Variants in PLPPR1 observed in about 807,000 individuals in gnomAD.
The protein encoded by PLPPR1 is phospholipid phosphatase-related protein type 1.
In PLPPR1, 10 loss-of-function variants were observed where a neutral mutation model predicts 33.1. The ratio of observed to expected loss-of-function variants is 0.30; its 90% CI spans 0.19 to 0.51. The LOEUF is 0.51. Ranked by LOEUF, PLPPR1 falls within the 20% of genes least tolerant of loss-of-function variation. The pLI is 0.97. For synonymous variants in PLPPR1, 151 were observed against 151.0 expected (o/e 1.00, Z 0.00); for missense variants, 304 against 408.1 (o/e 0.74, Z 2.20).
At chr9:101,089,513 A>G (rs1225486335) in intron 1 of PLPPR1, among the ~76,000 whole-genome samples, 2 of 152,204 alleles carry the variant, frequency 1.3e-5, no homozygotes, top group Non-Finnish European at 2.9e-5. Context: ...CATTGTTTAG[A>G]TATACACGTG....
rs947001399 is a variant in PLPPR1 at position 101,324,339 on chromosome 9, T to C, written c.*282T>C. The stretch of plus-strand genomic sequence containing the variant: ...AACCACATTTATTCAATGGTTGACG[T>C]TGTTTTGTGATATTTGTACACAAAT... On this transcript the variant is annotated 3_prime_UTR_variant, in exon 8 of 8. Transcript: ENST00000374874. The C allele has an allele frequency of 9.3e-6, 3 of 321,546 alleles. No individual in the cohort carries two copies. Among genetic ancestry groups the C allele is most frequent in the African/African-American group, 2.1e-5 (1 of 46,820 alleles). The allele number at this position is 321,546 out of a possible 1,614,324, so 19.9% of individuals were successfully genotyped here. A position where few individuals can be genotyped will look rare whatever the true frequency, so the allele number is the denominator to read the frequency against.
At chr9:101,219,083 T>A (rs1826867695) in intron 2 of PLPPR1, among the ~76,000 whole-genome samples, 1 of 152,194 alleles carries the variant, frequency 6.6e-6, no homozygotes, top group Admixed American at 6.5e-5. Flanking sequence ...CGCTCCTCCA[T>A]CCGGCTTCTC....
intron 2 of PLPPR1, among the ~76,000 whole-genome samples, chr9:101,192,272 C>T (rs1466425436): frequency 1.3e-5 from 2 of 152,166 alleles, no homozygotes; most frequent in Admixed American, 1.3e-4. Flanking sequence ...TACATTTTTA[C>T]ATTTAAGTAA....
At chr9:101,197,058 T>C (rs1195617911) in intron 2 of PLPPR1, among the ~76,000 whole-genome samples, 2 of 152,244 alleles carry the variant, frequency 1.3e-5, no homozygotes, top group Non-Finnish European at 1.5e-5. Flanking sequence ...TGCTCAGACC[T>C]GTTCACAGAG....
chr9:101,180,171 C>CATATAT (rs1196562947), intron 1 of PLPPR1, among the ~76,000 whole-genome samples: 3 of 143,158 alleles, frequency 2.1e-5, no homozygotes, highest in Non-Finnish European at 4.6e-5. Flanking sequence ...CATACACACA[C>CATATAT]ACACAGACAC....
chr9:101,185,715 C>T (rs1333313400), intron 2 of PLPPR1, among the ~76,000 whole-genome samples, 158 bp downstream of exon 2: 1 of 151,676 alleles, frequency 6.6e-6, no homozygotes, highest in Non-Finnish European at 1.5e-5. Context: ...CAAAGTGTTT[C>T]TTAAATAGGA....
At chr9:101,247,047 G>A (rs79645619) in intron 2 of PLPPR1, among the ~76,000 whole-genome samples, 2,318 of 152,024 alleles carry the variant, frequency 0.015, 51 homozygotes, top group African/African-American at 0.051. Flanking sequence ...TATTTAGTGA[G>A]AGAAACTACA....
chr9:101,205,834 G>A (rs1354699702), intron 2 of PLPPR1, among the ~76,000 whole-genome samples: 2 of 152,184 alleles, frequency 1.3e-5, no homozygotes, highest in East Asian at 3.9e-4. Flanking sequence ...TTACAGGCTT[G>A]TGTAAAATAG....
At chr9:101,241,667 A>G (rs1827468975) in intron 2 of PLPPR1, among the ~76,000 whole-genome samples, 1 of 152,070 alleles carries the variant, frequency 6.6e-6, no homozygotes, top group Non-Finnish European at 1.5e-5. Flanking sequence ...ATCTGAAAAG[A>G]GCAAGCTCAC....
At chr9:101,200,880 C>T (rs965988951) in intron 2 of PLPPR1, among the ~76,000 whole-genome samples, 1 of 152,128 alleles carries the variant, frequency 6.6e-6, no homozygotes, top group African/African-American at 2.4e-5. Context: ...AAAGTAAAGA[C>T]TCATTTTCCC....
intron 1 of PLPPR1, among the ~76,000 whole-genome samples, chr9:101,078,087 GAGGAGA>G (rs1398427127): frequency 4.4e-5 from 3 of 67,864 alleles, no homozygotes; most frequent in African/African-American, 1.2e-4. Context: ...AATGGAGGAG[GAGGAGA>G]AGGAGAAGGA....
At chr9:101,079,792 C>A (rs988947757) in intron 1 of PLPPR1, among the ~76,000 whole-genome samples, 1 of 152,054 alleles carries the variant, frequency 6.6e-6, no homozygotes, top group Non-Finnish European at 1.5e-5. Flanking sequence ...GTTGGTCAGG[C>A]TAGTCTTGAA....
rs577642212 is a variant in PLPPR1 at position 101,196,144 on chromosome 9, G to C, written c.63+10587G>C. Among the ~76,000 whole-genome samples the C allele has an allele frequency of 3.9e-5, 6 of 152,122 alleles. No individual in the cohort carries two copies. The East Asian group carries it at 1.2e-3, about 29-fold the overall frequency. On this transcript the variant is annotated intron_variant, in intron 2 of 7. Coordinates refer to ENST00000374874, the MANE Select transcript of PLPPR1 (RefSeq NM_207299.2). ...ATCATTGATATGTGTGGCTGGCCAA[G>C]GTATTAGAATTTCTCTTGAATCTTA...
At chr9:101,036,232 TGTA>T (rs1830007841) in intron 1 of PLPPR1, among the ~76,000 whole-genome samples, 1 of 152,146 alleles carries the variant, frequency 6.6e-6, no homozygotes, top group South Asian at 2.1e-4. Context: ...CCTATACTGG[TGTA>T]AAAATGCAGG....
In PLPPR1 at chr9:101,324,158, G is replaced by T; in HGVS notation, c.*101G>T. 2.1e-6 allele frequency: 2 copies of T among 939,650 alleles called. No individual in the cohort carries two copies. Among genetic ancestry groups the T allele is most frequent in the Non-Finnish European group, 3.3e-6 (2 of 602,420 alleles). The allele number at this position is 939,650 out of a possible 1,614,324, so 58.2% of individuals were successfully genotyped here. The stretch of plus-strand genomic sequence containing the variant: ...GTCAAACTGTGATGACAAATATTAC[G>T]TTTATCTAGTTAGAAGCTAATGTTT... On this transcript the variant is annotated 3_prime_UTR_variant, in exon 8 of 8. Transcript: ENST00000374874.
intron 1 of PLPPR1, among the ~76,000 whole-genome samples, chr9:101,135,202 C>T (rs1247676345): frequency 6.6e-6 from 1 of 152,016 alleles, no homozygotes; most frequent in Non-Finnish European, 1.5e-5. Flanking sequence ...TAATCGCTGC[C>T]CTTTTTCTAT....
chr9:101,322,053 C>T (rs1382461480), intron 7 of PLPPR1, among the ~76,000 whole-genome samples: 1 of 149,588 alleles, frequency 6.7e-6, no homozygotes, highest in Non-Finnish European at 1.5e-5. Flanking sequence ...CAAAAATTAG[C>T]CAGGCGTGGT....
intron 1 of PLPPR1, among the ~76,000 whole-genome samples, chr9:101,070,540 C>G (rs16919781): frequency 6.6e-6 from 1 of 151,962 alleles, no homozygotes; most frequent in Admixed American, 6.6e-5. Context: ...TTCATACAGA[C>G]GAGAAATGCT....
At chr9:101,142,593 T>A (rs1304496330) in intron 1 of PLPPR1, among the ~76,000 whole-genome samples, 2 of 152,160 alleles carry the variant, frequency 1.3e-5, no homozygotes, top group African/African-American at 4.8e-5. Flanking sequence ...TCTTCTACAT[T>A]CCCTATTTAA....
Sources: allele counts gnomAD v4.1 joint callset (sites outside exome capture counted in the v4.1 genomes callset), GRCh38; gene constraint gnomAD v4.1.1; transcripts MANE v1.5; gene names NCBI Gene and HGNC (gene_info 2026-07-23, HGNC 2026-07-21).